Variants in SLC41A2 observed in about 807,000 individuals in gnomAD.
SLC41A2 encodes the protein SLC41A1-like 1.
Under a neutral mutation model 58.3 loss-of-function variants are expected in SLC41A2, and 32 were observed. The observed-to-expected ratio is 0.55, with a 90% CI of 0.41 to 0.74. SLC41A2 has a LOEUF of 0.74. Among genes scored for constraint, SLC41A2 ranks in the 30% least tolerant of loss-of-function variants. SLC41A2 has a pLI of 0.00. For missense variants in SLC41A2, 514 were observed against 680.6 expected, an observed-to-expected ratio of 0.76 and a Z score of 2.72; for synonymous variants, 190 against 235.0, an observed-to-expected ratio of 0.81 and a Z score of 1.75.
intron 8 of SLC41A2, among the ~76,000 whole-genome samples, chr12:104,856,170 A>C (rs1052904224): frequency 2.0e-5 from 3 of 152,224 alleles, no homozygotes; most frequent in African/African-American, 7.2e-5. Context: ...AATATTGCCC[A>C]TAAAGAAGGT....
chr12:104,883,849 T>C (rs2044513720), intron 6 of SLC41A2, among the ~76,000 whole-genome samples: 1 of 152,226 alleles, frequency 6.6e-6, no homozygotes, highest in Non-Finnish European at 1.5e-5. Context: ...AACTCCGTGC[T>C]GGGAGAACCA....
At chr12:104,905,694 G>A (rs1039746579) in intron 3 of SLC41A2, among the ~76,000 whole-genome samples, 50 of 152,384 alleles carry the variant, frequency 3.3e-4, no homozygotes, top group African/African-American at 7.9e-4. Flanking sequence ...GAAATCGAGC[G>A]CAGCGCCGGT....
In SLC41A2 at chr12:104,851,139, C is replaced by A. The variant is rs144894169; in HGVS notation, c.1256-5165G>T. On this transcript the variant is annotated intron_variant, in intron 8 of 10. Coordinates refer to ENST00000258538, the MANE Select transcript of SLC41A2 (RefSeq NM_001352171.3). ...ACATGAAAGATGCTTAGCACAGTTT[C>A]TGGACATGGTAAAGGCTTAAAAAAT... 3.9e-5 allele frequency among the ~76,000 whole-genome samples: 6 copies of A among 152,232 alleles called. No individual in the cohort carries two copies. In the East Asian group the frequency reaches 1.2e-3, roughly 29 times the overall value.
intron 10 of SLC41A2, among the ~76,000 whole-genome samples, chr12:104,807,002 C>T (rs1341516344): frequency 6.6e-6 from 1 of 152,030 alleles, no homozygotes; most frequent in Non-Finnish European, 1.5e-5. Flanking sequence ...AAATTTTCTC[C>T]CATTCTGTAG....
intron 8 of SLC41A2, among the ~76,000 whole-genome samples, chr12:104,850,528 T>C (rs1175614192): frequency 6.6e-6 from 1 of 152,230 alleles, no homozygotes; most frequent in Non-Finnish European, 1.5e-5. Context: ...TAATTTGTTA[T>C]GTGGAATAAG....
intron 10 of SLC41A2, among the ~76,000 whole-genome samples, chr12:104,826,065 G>A (rs562678970): frequency 1.2e-4 from 18 of 152,290 alleles, no homozygotes; most frequent in African/African-American, 4.3e-4. Flanking sequence ...CACATCCTGA[G>A]TTTTCGCTGA....
At chr12:104,876,101 T>A (rs916689368) in intron 6 of SLC41A2, among the ~76,000 whole-genome samples, 3 of 152,300 alleles carry the variant, frequency 2.0e-5, no homozygotes, top group Non-Finnish European at 4.4e-5. Flanking sequence ...TCTCTAGTGA[T>A]CTTTTTTATT....
intron 7 of SLC41A2, among the ~76,000 whole-genome samples, 199 bp downstream of exon 7, chr12:104,866,233 G>A: frequency 6.6e-6 from 1 of 152,072 alleles, no homozygotes; most frequent in East Asian, 1.9e-4. Context: ...AATTATGCCT[G>A]TCATTTAGAT....
intron 6 of SLC41A2, among the ~76,000 whole-genome samples, chr12:104,883,956 A>G (rs2044521534): frequency 6.6e-6 from 1 of 152,236 alleles, no homozygotes; most frequent in Non-Finnish European, 1.5e-5. Flanking sequence ...GGTGGAGTCT[A>G]CAGAGGCAGG....
chr12:104,932,624 C>CAAAAAAAAAAAAAAAAAAA (rs544329617), intron 1 of SLC41A2, among the ~76,000 whole-genome samples: 14 of 46,066 alleles, frequency 3.0e-4, no homozygotes, highest in East Asian at 1.3e-3. Flanking sequence ...GACTTTGTCT[C>CAAAAAAAAAAAAAAAAAAA]AAAAAAAAAA....
intron 1 of SLC41A2, among the ~76,000 whole-genome samples, chr12:104,948,821 A>G (rs2047836758): frequency 6.6e-6 from 1 of 152,212 alleles, no homozygotes; most frequent in Non-Finnish European, 1.5e-5. Context: ...GTTATTTTTG[A>G]ACACAGTTTA....
intron 10 of SLC41A2, among the ~76,000 whole-genome samples, chr12:104,836,794 T>C (rs1482098369): frequency 6.6e-6 from 1 of 152,242 alleles, no homozygotes; most frequent in Non-Finnish European, 1.5e-5. Flanking sequence ...CTGGGTTTTC[T>C]GGCTAATCCA....
At chr12:104,838,511 A>G (rs1346852125) in intron 10 of SLC41A2, among the ~76,000 whole-genome samples, 1 of 152,218 alleles carries the variant, frequency 6.6e-6, no homozygotes, top group African/African-American at 2.4e-5. Flanking sequence ...AGTGAAAGTA[A>G]TAGCAAAAAC....
rs1214758934 is a variant in SLC41A2, at chr12:104,909,651, TTA to T, written c.663+2_663+3del. The T allele has an allele frequency of 6.3e-7, 1 of 1,597,630 alleles. No individual in the cohort carries two copies. The highest frequency in any genetic ancestry group is 1.7e-5 in the Admixed American group (1 of 57,928). Reference sequence around the variant, plus strand: ...CACATAATTTGAGGTAGGAAAAAACTTACTGCAGTGGATAATCTGGATGCCAA... The same window carrying T: ...CACATAATTTGAGGTAGGAAAAAACTCTGCAGTGGATAATCTGGATGCCAA... On this transcript the variant is annotated splice_donor_variant and splice_donor_region_variant and intron_variant, in intron 3 of 10. Transcript: ENST00000258538. LOFTEE classifies it high-confidence loss of function.
chr12:104,826,337 T>C (rs1458638467), intron 10 of SLC41A2, among the ~76,000 whole-genome samples: 1 of 152,216 alleles, frequency 6.6e-6, no homozygotes, highest in Non-Finnish European at 1.5e-5. Context: ...AACTTTTCTG[T>C]AGATGCGAGG....
chr12:104,866,450 G>A lies in SLC41A2; in HGVS notation c.1157C>T (p.Thr386Ile). Residue 386 changes from threonine to isoleucine, a missense_variant, in exon 7 of 11, where the codon ACA becomes ATA. Physicochemically the swap from Thr to Ile is moderately conservative, Grantham distance 89. Coordinates refer to ENST00000258538, the MANE Select transcript of SLC41A2 (RefSeq NM_001352171.3). ...TACTAACCTACTTATAACCATAGCT[G>A]TTATGACAGGCTCCCAGCCTGAGTG... ...VLHSGWEPVITAMVISSIGGL... is the reference protein window; with the variant it reads ...VLHSGWEPVIIAMVISSIGGL... 4 of 1,611,678 alleles carry A rather than the reference G, an allele frequency of 2.5e-6. No individual in the cohort carries two copies. Among genetic ancestry groups the A allele is most frequent in the Non-Finnish European group, 3.4e-6 (4 of 1,179,226 alleles).
At chr12:104,851,972 T>C (rs1482531572) in intron 8 of SLC41A2, 1 of 152,188 alleles carries the variant, frequency 6.6e-6, no homozygotes, top group Non-Finnish European at 1.5e-5. Flanking sequence ...CATGTATCGG[T>C]ACTCATCTGA....
intron 6 of SLC41A2, among the ~76,000 whole-genome samples, chr12:104,869,439 T>A (rs1430719273): frequency 1.3e-5 from 2 of 152,138 alleles, no homozygotes; most frequent in Non-Finnish European, 2.9e-5. Context: ...TGGGGTAAAA[T>A]GTTAACCTTA....
upstream of SLC41A2, chr12:104,958,563 AT>A (rs1166925234): frequency 6.6e-6 from 1 of 152,492 alleles, no homozygotes; most frequent in African/African-American, 2.4e-5. Flanking sequence ...CTCCTTCGGC[AT>A]CCCTCTTCCC....
Sources: allele counts gnomAD v4.1 joint callset (sites outside exome capture counted in the v4.1 genomes callset), GRCh38; gene constraint gnomAD v4.1.1; transcripts MANE v1.5; gene names NCBI Gene and HGNC (gene_info 2026-07-23, HGNC 2026-07-21).